NLGN1: variants seen among roughly 807,000 people sequenced by gnomAD.
The protein encoded by NLGN1 is neuroligin 1.
In NLGN1, 12 loss-of-function variants were observed where a neutral mutation model predicts 65.5. The observed-to-expected ratio is 0.18, with a 90% CI of 0.12 to 0.30. NLGN1 has a LOEUF of 0.30. NLGN1 is among the 10% of genes least tolerant of loss of function. The pLI, the probability that NLGN1 is intolerant of heterozygous loss-of-function variation, is 1.00. For synonymous variants in NLGN1, 350 were observed against 359.5 expected, an observed-to-expected ratio of 0.97 and a Z score of 0.30; for missense variants, 750 against 1,007.1, an observed-to-expected ratio of 0.74 and a Z score of 3.46.
chr3:173,720,895 C>A (rs950441404), intron 3 of NLGN1, among the ~76,000 whole-genome samples: 4 of 152,100 alleles, frequency 2.6e-5, no homozygotes, highest in African/African-American at 9.7e-5. Flanking sequence ...TTTAAGGTAT[C>A]TACGTAGAGC....
intron 4 of NLGN1, among the ~76,000 whole-genome samples, chr3:174,221,513 A>C (rs988345717): frequency 4.6e-5 from 7 of 152,128 alleles, no homozygotes; most frequent in African/African-American, 1.7e-4. Context: ...TTACCAGATG[A>C]TCTTGAGCAC....
intron 4 of NLGN1, among the ~76,000 whole-genome samples, chr3:174,200,549 G>A (rs549878806): frequency 5.9e-5 from 9 of 152,290 alleles, no homozygotes; most frequent in Admixed American, 3.9e-4. Context: ...TATAGCAGAC[G>A]AGGTGAAGCA....
At chr3:173,603,542 A>G (rs531810848) in intron 2 of NLGN1, among the ~76,000 whole-genome samples, 2 of 152,222 alleles carry the variant, frequency 1.3e-5, no homozygotes, top group East Asian at 1.9e-4. Flanking sequence ...TGATATCTAT[A>G]ATATATAGCA....
intron 2 of NLGN1, among the ~76,000 whole-genome samples, chr3:173,529,912 G>A (rs953416637): frequency 2.0e-5 from 3 of 151,880 alleles, no homozygotes; most frequent in Non-Finnish European, 4.4e-5. Flanking sequence ...TGTAGAAATG[G>A]ACTAGGTAAT....
chr3:174,181,784 C>T (rs990564170), intron 4 of NLGN1, among the ~76,000 whole-genome samples: 1 of 145,996 alleles, frequency 6.8e-6, no homozygotes, highest in Non-Finnish European at 1.5e-5. Flanking sequence ...AAAATACACA[C>T]ACACACACAC....
intron 4 of NLGN1, among the ~76,000 whole-genome samples, chr3:173,825,129 T>G (rs1002491799): frequency 1.3e-5 from 2 of 152,100 alleles, no homozygotes; most frequent in Admixed American, 1.3e-4. Flanking sequence ...AAGATTTCTA[T>G]TTTAAAAATA....
chr3:173,488,051 G>A (rs1202746995), intron 2 of NLGN1, among the ~76,000 whole-genome samples: 1 of 150,970 alleles, frequency 6.6e-6, no homozygotes, highest in East Asian at 1.9e-4. Context: ...TCTACCTTCT[G>A]TTTGATATTT....
rs537612960 is a variant in NLGN1, at chr3:173,770,417, T to C, written c.494-37263T>C. Among the ~76,000 whole-genome samples, 3 of 152,338 alleles carry C rather than the reference T, an allele frequency of 2.0e-5. No homozygotes were observed. In the South Asian group the frequency reaches 6.2e-4, roughly 32 times the overall value. ...TACATCATAATTTCTGCCCTTGGCATTTTAAAAAATTAATAGATTTTAAAA... is the reference window on the plus strand; with the variant it reads ...TACATCATAATTTCTGCCCTTGGCACTTTAAAAAATTAATAGATTTTAAAA... On this transcript the variant is annotated intron_variant, in intron 3 of 6. Coordinates refer to ENST00000457714, the Ensembl canonical transcript of NLGN1.
At chr3:173,545,656 C>A (rs1358567512) in intron 2 of NLGN1, among the ~76,000 whole-genome samples, 2 of 152,032 alleles carry the variant, frequency 1.3e-5, no homozygotes, top group Admixed American at 6.5e-5. Flanking sequence ...ATGTTTATTG[C>A]AGCACTGTTC....
chr3:174,024,235 G>A (rs1374022471), intron 4 of NLGN1, among the ~76,000 whole-genome samples: 1 of 151,770 alleles, frequency 6.6e-6, no homozygotes, highest in Admixed American at 6.6e-5. Context: ...TATTATTTAG[G>A]GGAGAACAAA....
intron 2 of NLGN1, among the ~76,000 whole-genome samples, chr3:173,522,896 A>G (rs1735000911): frequency 6.6e-6 from 1 of 152,128 alleles, no homozygotes; most frequent in African/African-American, 2.4e-5. Flanking sequence ...AACAGAGTAT[A>G]AGTGTTCTGT....
chr3:173,543,936 G>T (rs975792549), intron 2 of NLGN1, among the ~76,000 whole-genome samples: 22 of 152,110 alleles, frequency 1.4e-4, no homozygotes, highest in African/African-American at 4.6e-4. Flanking sequence ...AGAAGTCAGG[G>T]AAGACTTCTT....
chr3:173,973,346 G>A (rs899938657), intron 4 of NLGN1, among the ~76,000 whole-genome samples: 14 of 151,982 alleles, frequency 9.2e-5, no homozygotes, highest in African/African-American at 2.2e-4. Context: ...AAGCCTGTCC[G>A]CCCAGGAGTC....
intron 2 of NLGN1, among the ~76,000 whole-genome samples, chr3:173,569,912 T>C (rs1472416128): frequency 1.3e-5 from 2 of 152,250 alleles, no homozygotes; most frequent in African/African-American, 4.8e-5. Context: ...CATTCATTCA[T>C]TCATGCATTT....
At chr3:173,643,213 C>A (rs1217604960) in intron 3 of NLGN1, among the ~76,000 whole-genome samples, 1 of 152,138 alleles carries the variant, frequency 6.6e-6, no homozygotes, top group African/African-American at 2.4e-5. Flanking sequence ...ATGTGCATAA[C>A]TGAATTCTCT....
chr3:173,948,208 AT>A (rs1467900721), intron 4 of NLGN1, among the ~76,000 whole-genome samples: 2 of 152,168 alleles, frequency 1.3e-5, no homozygotes, highest in African/African-American at 4.8e-5. Context: ...AATTCTCCAA[AT>A]TTTAATTTCT....
intron 4 of NLGN1, among the ~76,000 whole-genome samples, chr3:174,168,607 A>G (rs1411197215): frequency 1.3e-5 from 2 of 152,114 alleles, no homozygotes; most frequent in Non-Finnish European, 2.9e-5. Flanking sequence ...GCTGCAGCCA[A>G]TGTGACTGGG....
At chr3:173,714,871 C>T (rs1769584536) in intron 3 of NLGN1, among the ~76,000 whole-genome samples, 1 of 152,036 alleles carries the variant, frequency 6.6e-6, no homozygotes, top group South Asian at 2.1e-4. Flanking sequence ...GGGTTTTGTC[C>T]TGAGTGTTAG....
At chr3:173,715,118 C>G (rs1448824289) in intron 3 of NLGN1, among the ~76,000 whole-genome samples, 1 of 152,066 alleles carries the variant, frequency 6.6e-6, no homozygotes, top group Non-Finnish European at 1.5e-5. Context: ...TGGATGGACT[C>G]TATTGTATTT....
Sources: allele counts gnomAD v4.1 joint callset (sites outside exome capture counted in the v4.1 genomes callset), GRCh38; gene constraint gnomAD v4.1.1; transcripts MANE v1.5; gene names NCBI Gene and HGNC (gene_info 2026-07-23, HGNC 2026-07-21).